Variants in CCR5AS observed in about 807,000 individuals in gnomAD.
CCR5AS encodes the protein CCR5 antisense RNA.
At chr3:46,369,351 A>G (rs1701632294) in intron 3 of CCR5AS, among the ~76,000 whole-genome samples, 1 of 150,694 alleles carries the variant, frequency 6.6e-6, no homozygotes, top group African/African-American at 2.5e-5. Context: ...TATGGGATGA[A>G]CTAGAACATT....
At chr3:46,367,718 G>A (rs768081608) in intron 3 of CCR5AS, among the ~76,000 whole-genome samples, 13 of 152,140 alleles carry the variant, frequency 8.5e-5, no homozygotes, top group East Asian at 7.7e-4. Context: ...CTATAGGGGC[G>A]CACCACCACA....
intron 2 of CCR5AS, among the ~76,000 whole-genome samples, chr3:46,384,745 T>A (rs542643877): frequency 6.6e-6 from 1 of 152,154 alleles, no homozygotes; most frequent in Admixed American, 6.5e-5. Flanking sequence ...GGAACTCTTA[T>A]GCAAATGTGC....
chr3:46,371,928 G>A (rs41395249), intron 2 of CCR5AS, among the ~76,000 whole-genome samples: 1,770 of 152,174 alleles, frequency 0.012, 34 homozygotes, highest in African/African-American at 0.039. Context: ...TTCTCTTTTC[G>A]AGGACTGAGA....
At chr3:46,383,280 T>C (rs113228868) in intron 2 of CCR5AS, among the ~76,000 whole-genome samples, 1,925 of 152,290 alleles carry the variant, frequency 0.013, 47 homozygotes, top group African/African-American at 0.043. Context: ...TTAGGGTGGA[T>C]TAACCTGCTA....
chr3:46,391,409 G>T, intron 2 of CCR5AS, among the ~76,000 whole-genome samples: 1 of 152,154 alleles, frequency 6.6e-6, no homozygotes. Flanking sequence ...GGGTTTGAGG[G>T]CTGGAATCTA....
intron 1 of CCR5AS, among the ~76,000 whole-genome samples, chr3:46,404,179 G>C (rs1702025808): frequency 6.6e-6 from 1 of 152,128 alleles, no homozygotes; most frequent in African/African-American, 2.4e-5. Context: ...TTATCACCCA[G>C]TGTGTGTTTT....
chr3:46,385,483 AC>A (rs758767425), intron 2 of CCR5AS, among the ~76,000 whole-genome samples: 16 of 152,130 alleles, frequency 1.1e-4, no homozygotes, highest in Non-Finnish European at 1.9e-4. Flanking sequence ...TTTGCCTGGA[AC>A]CTCATTATAT....
rs1271386850 is a variant in CCR5AS at position 46,374,992 on chromosome 3, G to A, written n.392-3575C>T. The A allele has an allele frequency of 3.6e-5, 6 of 167,488 alleles. No individual in the cohort carries two copies. In the Admixed American group the frequency reaches 3.9e-4, roughly 11 times the overall value. 10.4% of individuals were successfully genotyped at this position (167,488 alleles called of 1,614,324 possible). Reference sequence around the variant, plus strand: ...GGGTGGATTTGGGTTGGAAGTGAGGGTCAGAGAGGAGTCAGAGAGAATCCC... The same window carrying A: ...GGGTGGATTTGGGTTGGAAGTGAGGATCAGAGAGGAGTCAGAGAGAATCCC... On this transcript the variant is annotated intron_variant and non_coding_transcript_variant, in intron 2 of 3. Transcript: ENST00000451485.
At chr3:46,388,060 C>A (rs1241908320) in intron 2 of CCR5AS, among the ~76,000 whole-genome samples, 1 of 152,106 alleles carries the variant, frequency 6.6e-6, no homozygotes, top group Non-Finnish European at 1.5e-5. Flanking sequence ...TGCTTCAGGC[C>A]ATCTGGATGT....
intron 1 of CCR5AS, among the ~76,000 whole-genome samples, chr3:46,399,435 GACA>G (rs1390221374): frequency 6.6e-6 from 1 of 152,212 alleles, no homozygotes. Context: ...ACAGAGTTTG[GACA>G]ACTAGTGAAA....
At chr3:46,406,616 A>AT (rs1425439721) in intron 1 of CCR5AS, among the ~76,000 whole-genome samples, 2 of 151,666 alleles carry the variant, frequency 1.3e-5, no homozygotes, top group African/African-American at 2.4e-5. Context: ...TCACCACGGG[A>AT]TTTTCCTCCT....
intron 1 of CCR5AS, among the ~76,000 whole-genome samples, chr3:46,399,887 T>C (rs759518130): frequency 3.3e-5 from 5 of 152,206 alleles, no homozygotes; most frequent in Non-Finnish European, 7.4e-5. Context: ...TGACAATTTG[T>C]CACACTCAGA....
chr3:46,369,308 G>C (rs1038174704), intron 3 of CCR5AS, among the ~76,000 whole-genome samples: 1 of 152,152 alleles, frequency 6.6e-6, no homozygotes, highest in Admixed American at 6.5e-5. Context: ...CAGCATGACT[G>C]CAGTTCTTAA....
chr3:46,402,698 G>A (rs1051657672), intron 1 of CCR5AS, among the ~76,000 whole-genome samples: 1 of 151,754 alleles, frequency 6.6e-6, no homozygotes, highest in Non-Finnish European at 1.5e-5. Context: ...CTCTTTTTTT[G>A]AAATTTTCCA....
intron 2 of CCR5AS, chr3:46,372,657 C>T: frequency 2.7e-6 from 1 of 367,146 alleles, no homozygotes; most frequent in South Asian, 4.6e-5. Flanking sequence ...TGAGATGGTG[C>T]TTTCATGAAT....
intron 1 of CCR5AS, among the ~76,000 whole-genome samples, chr3:46,401,010 G>C (rs911227011): frequency 2.0e-5 from 3 of 152,228 alleles, no homozygotes; most frequent in African/African-American, 7.2e-5. Flanking sequence ...AATCAAAGAT[G>C]TCAGGGAAAT....
At chr3:46,383,076 G>A (rs1701829607) in intron 2 of CCR5AS, among the ~76,000 whole-genome samples, 2 of 152,190 alleles carry the variant, frequency 1.3e-5, no homozygotes, top group Admixed American at 1.3e-4. Flanking sequence ...CCCAAACAGT[G>A]CACTTAGACA....
At chr3:46,401,199 T>C (rs1280567745) in intron 1 of CCR5AS, among the ~76,000 whole-genome samples, 2 of 152,210 alleles carry the variant, frequency 1.3e-5, no homozygotes, top group African/African-American at 2.4e-5. Flanking sequence ...AGTGGCTTTA[T>C]GTGTTCCAAA....
intron 1 of CCR5AS, among the ~76,000 whole-genome samples, chr3:46,401,402 A>G (rs1010488666): frequency 1.3e-5 from 2 of 152,014 alleles, no homozygotes; most frequent in African/African-American, 2.4e-5. Context: ...CAAGAAGTAT[A>G]ATAGAGGAAA....
Sources: gnomAD v4.1 joint callset for allele counts (sites outside exome capture counted in the v4.1 genomes callset) on GRCh38, gnomAD v4.1.1 for gene constraint, MANE v1.5 for transcripts, NCBI Gene and HGNC (gene_info 2026-07-23, HGNC 2026-07-21) for gene names.